RERE: variants seen among roughly 807,000 people sequenced by gnomAD.
The protein encoded by RERE is arginine-glutamic acid dipeptide repeats.
In RERE, 40 loss-of-function variants were observed where a neutral mutation model predicts 146.1. The observed-to-expected ratio is 0.27, with a 90% confidence interval of 0.21 to 0.36. RERE has a LOEUF of 0.36. RERE is among the 10% of genes least tolerant of loss of function. The pLI is 1.00. For missense variants in RERE, 1,933 were observed against 2,138.7 expected (o/e 0.90, Z 1.90); for synonymous variants, 1,003 against 866.0 (o/e 1.16, Z -2.78).
In RERE at chr1:8,408,768, T is replaced by C. The variant is rs552027581; in HGVS notation, c.1284+13959A>G. On this transcript the variant is annotated intron_variant, in intron 12 of 22. Coordinates refer to ENST00000400908, the MANE Select transcript of RERE (RefSeq NM_001042681.2). ...TTGTTACAAGCAATGCACTTTTTCC[T>C]TTTGGTGTAAAGGTTATGTGTGCTA... Among the ~76,000 whole-genome samples the C allele has an allele frequency of 8.4e-4, 128 of 152,312 alleles. 1 individual carries two copies. Among genetic ancestry groups the C allele is most frequent in the East Asian group, 5.8e-4 (3 of 5,190 alleles).
intron 11 of RERE, among the ~76,000 whole-genome samples, chr1:8,460,295 G>A (rs1025179984): frequency 6.6e-6 from 1 of 152,196 alleles, no homozygotes; most frequent in Non-Finnish European, 1.5e-5. Flanking sequence ...AAGGCATCTG[G>A]AGATGCTGCT....
chr1:8,369,939 G>A (rs551078857), intron 12 of RERE, among the ~76,000 whole-genome samples: 6 of 152,092 alleles, frequency 3.9e-5, no homozygotes, highest in African/African-American at 7.2e-5. Context: ...ACAGGAGCCC[G>A]CCACCAGCCC....
At chr1:8,460,673 G>C (rs1644514383) in intron 11 of RERE, among the ~76,000 whole-genome samples, 1 of 152,140 alleles carries the variant, frequency 6.6e-6, no homozygotes, top group Non-Finnish European at 1.5e-5. Flanking sequence ...CAAGATAAAA[G>C]CTATAGTTAC....
chr1:8,709,216 G>A (rs189690407), intron 1 of RERE, among the ~76,000 whole-genome samples: 368 of 151,730 alleles, frequency 2.4e-3, no homozygotes, highest in Middle Eastern at 0.017. Context: ...CACCGTGCCC[G>A]GCAACTCTAG....
intron 7 of RERE, among the ~76,000 whole-genome samples, chr1:8,520,752 TTTAAAAAAA>T (rs1419328813): frequency 3.4e-4 from 5 of 14,778 alleles, no homozygotes; most frequent in Admixed American, 2.3e-3. Context: ...CAAAAAACTT[TTTAAAAAAA>T]AAAAAAAAAA....
At chr1:8,735,228 G>A (rs1640173015) in intron 1 of RERE, among the ~76,000 whole-genome samples, 1 of 152,152 alleles carries the variant, frequency 6.6e-6, no homozygotes, top group Admixed American at 6.6e-5. Flanking sequence ...ACTAGGAGGT[G>A]GAGATTTCTG....
intron 1 of RERE, chr1:8,786,273 G>A: frequency 1.0e-6 from 1 of 980,074 alleles, no homozygotes; most frequent in East Asian, 2.6e-5. Flanking sequence ...AAAATGGGTG[G>A]TTTTTCTTCA....
intron 18 of RERE, 62 bp downstream of exon 18, chr1:8,360,050 C>T (rs1641493834): frequency 6.3e-7 from 1 of 1,586,746 alleles, no homozygotes; most frequent in Non-Finnish European, 8.6e-7. Context: ...CTCCCTCCCA[C>T]CAGAACTTGC....
At chr1:8,793,176 AAGAAAG>A (rs1211201771) in intron 1 of RERE, among the ~76,000 whole-genome samples, 125 of 147,670 alleles carry the variant, frequency 8.5e-4, no homozygotes, top group African/African-American at 3.2e-3. Context: ...AAAAAAAAAA[AAGAAAG>A]AAAGAAAGAA....
intron 1 of RERE, among the ~76,000 whole-genome samples, chr1:8,779,310 G>A (rs980776818): frequency 1.3e-5 from 2 of 149,362 alleles, no homozygotes; most frequent in South Asian, 2.2e-4. Context: ...GGCAGATCAC[G>A]AGGTCAGGAG....
intron 4 of RERE, among the ~76,000 whole-genome samples, chr1:8,607,530 A>ATATTTTTTTTTTTTTTTTTT (rs1646732034): frequency 1.7e-5 from 1 of 57,582 alleles, no homozygotes; most frequent in African/African-American, 6.8e-5. Flanking sequence ...TTTTATATAT[A>ATATTTTTTTTTTTTTTTTTT]TTTCTTTTTT....
At chr1:8,730,836 C>T (rs1452005060) in intron 1 of RERE, among the ~76,000 whole-genome samples, 1 of 152,192 alleles carries the variant, frequency 6.6e-6, no homozygotes, top group Non-Finnish European at 1.5e-5. Flanking sequence ...ATGAGTGGTT[C>T]TCAACCATTC....
chr1:8,622,592 G>C (rs1305986253), intron 3 of RERE, among the ~76,000 whole-genome samples: 15 of 151,238 alleles, frequency 9.9e-5, no homozygotes, highest in Non-Finnish European at 2.1e-4. Context: ...CATAAAAACT[G>C]GATAGAAAGC....
chr1:8,381,045 G>T (rs1642431575), intron 12 of RERE: 1 of 456,290 alleles, frequency 2.2e-6, no homozygotes, highest in African/African-American at 2.0e-5. Flanking sequence ...GCCTTCTCCT[G>T]GTTGCTGCTG....
intron 12 of RERE, among the ~76,000 whole-genome samples, chr1:8,402,631 G>A (rs536162867): frequency 9.2e-5 from 14 of 152,062 alleles, no homozygotes; most frequent in Non-Finnish European, 1.8e-4. Flanking sequence ...GGTTCAGTTC[G>A]GTAATATTCC....
intron 2 of RERE, among the ~76,000 whole-genome samples, chr1:8,646,496 C>T (rs1172429284): frequency 2.0e-5 from 3 of 151,290 alleles, no homozygotes; most frequent in African/African-American, 7.3e-5. Context: ...CATGTCACTG[C>T]ACTGTTGTCT....
At chr1:8,387,664 C>T (rs1242505527) in intron 12 of RERE, among the ~76,000 whole-genome samples, 1 of 152,054 alleles carries the variant, frequency 6.6e-6, no homozygotes, top group African/African-American at 2.4e-5. Flanking sequence ...AGAGGAAACA[C>T]AAATAGCCAA....
intron 2 of RERE, among the ~76,000 whole-genome samples, chr1:8,652,894 T>C (rs910447834): frequency 5.9e-5 from 9 of 152,176 alleles, no homozygotes; most frequent in African/African-American, 1.9e-4. Context: ...AAAATTTCAC[T>C]ACAATCATAG....
chr1:8,438,429 GTT>G (rs1644199885), intron 11 of RERE, among the ~76,000 whole-genome samples: 2 of 152,218 alleles, frequency 1.3e-5, no homozygotes, highest in East Asian at 3.8e-4. Flanking sequence ...TTTTCAAAAT[GTT>G]TTCATAAACT....
Sources: gnomAD v4.1 joint callset for allele counts (sites outside exome capture counted in the v4.1 genomes callset) on GRCh38, gnomAD v4.1.1 for gene constraint, MANE v1.5 for transcripts, NCBI Gene and HGNC (gene_info 2026-07-23, HGNC 2026-07-21) for gene names.